The following PNKP variants were observed in gnomAD, a reference collection of about 807,000 sequenced individuals.
PNKP encodes polynucleotide kinase 3'-phosphatase.
PNKP carries 82 observed loss-of-function variants against 66.2 expected under a neutral mutation model. The observed-to-expected ratio is 1.24, with a 90% CI of 1.04 to 1.49. The LOEUF is 1.49. Among genes scored for constraint, PNKP ranks in the 40% most tolerant of loss-of-function variants. The pLI is 0.00. For synonymous variants in PNKP, 412 were observed against 298.9 expected (o/e 1.38, Z -3.90); for missense variants, 907 against 706.8 (o/e 1.28, Z -3.21).
intron 8 of PNKP, among the ~76,000 whole-genome samples, chr19:49,863,049 C>G (rs973543139): frequency 2.6e-5 from 4 of 152,204 alleles, no homozygotes; most frequent in Admixed American, 2.0e-4. Flanking sequence ...TTCCCCCTCC[C>G]TCAGGGCAAA....
At position 49,862,290 on chromosome 19, in the gene PNKP, G is replaced by A. The variant is rs368699840; in HGVS notation, c.1030-9C>T. 7 of 1,577,716 alleles carry A rather than the reference G, an allele frequency of 4.4e-6. No individual in the cohort carries two copies. The African/African-American group carries it at 8.1e-5, about 18-fold the overall frequency. On this transcript the variant is annotated splice_polypyrimidine_tract_variant and intron_variant, in intron 11 of 16. Coordinates refer to ENST00000322344, the MANE Select transcript of PNKP (RefSeq NM_007254.4). ...GAGCGGGAGACAGTCCTCTGCGAGG[G>A]GCGGGGGACACGCGTGAGATGCCGT...
intron 8 of PNKP, 107 bp downstream of exon 8, chr19:49,863,582 G>A (rs986916546): frequency 3.2e-5 from 25 of 777,136 alleles, no homozygotes; most frequent in Non-Finnish European, 4.5e-5. Context: ...AGGAGGGAGC[G>A]AGAGAGGACA....
At position 49,861,388 on chromosome 19, in the gene PNKP, G is replaced by C. The variant is rs201741122; in HGVS notation, c.1449-23C>G. On this transcript the variant is annotated intron_variant, in intron 16 of 16. Transcript: ENST00000322344. ...TTCCTGGCAGTGGTGGGAACAGTGA[G>C]GGACAGCCTGGATCATGTGGCCCAG... 4.3e-6 allele frequency: 7 copies of C among 1,613,884 alleles called. No homozygotes were observed. In the East Asian group the frequency reaches 8.9e-5, roughly 21 times the overall value.
Position 49,862,285 on chromosome 19 carries a change from CGAGGGGCGGGGGACACGCGT to C in PNKP, c.1030-24_1030-5del. On this transcript the variant is annotated splice_polypyrimidine_tract_variant and splice_region_variant and intron_variant, in intron 11 of 16. Coordinates refer to ENST00000322344, the MANE Select transcript of PNKP (RefSeq NM_007254.4). ...GCCCTGAGCGGGAGACAGTCCTCTG[CGAGGGGCGGGGGACACGCGT>C]GAGATGCCGTCCCCATCCCCGGGAG... 6.3e-7 allele frequency: 1 copy of C among 1,584,964 alleles called. No individual in the cohort carries two copies. The highest frequency in any genetic ancestry group is 8.6e-7 in the Non-Finnish European group (1 of 1,165,954).
At position 49,867,047 on chromosome 19, in the gene PNKP, C is replaced by G. The variant is rs1435021106; in HGVS notation, c.151+7G>C. On this transcript the variant is annotated splice_region_variant and intron_variant, in intron 2 of 16. Transcript: ENST00000322344. ...GCCACACCCCCTCCAGCTCAGGCCC[C>G]GCTCACCTTGAGTTCTGGAGCACTT... is the stretch of plus-strand genomic sequence containing the variant. 1 of 1,613,620 alleles carries G rather than the reference C, an allele frequency of 6.2e-7. No individual in the cohort carries two copies. Among genetic ancestry groups the G allele is most frequent in the Non-Finnish European group, 8.5e-7 (1 of 1,179,784 alleles).
At chr19:49,867,358 C>T (rs1014670761) in intron 1 of PNKP, 111 bp downstream of exon 1, 20 of 888,954 alleles carry the variant, frequency 2.2e-5, no homozygotes, top group Non-Finnish European at 3.2e-5. Flanking sequence ...CGCGGGTCGA[C>T]CCGTTTCCCA....
In PNKP at chr19:49,862,674, G is replaced by A; in HGVS notation, c.865+16C>T. 1 of 1,614,072 alleles carries A rather than the reference G, an allele frequency of 6.2e-7. No individual in the cohort carries two copies. Among genetic ancestry groups the A allele is most frequent in the Non-Finnish European group, 8.5e-7 (1 of 1,179,952 alleles). ...GAGGCGTCCCAGCCCACCCTCAGCA[G>A]CCTCCAGGCCCTTACCTCCCACAAA... On this transcript the variant is annotated intron_variant, in intron 9 of 16. Coordinates refer to ENST00000322344, the MANE Select transcript of PNKP (RefSeq NM_007254.4).
chr19:49,867,039 T>C lies in PNKP; in HGVS notation c.151+15A>G, dbSNP rs1032102661. The C allele has an allele frequency of 3.7e-6, 6 of 1,613,420 alleles. No homozygotes were observed. Among genetic ancestry groups the C allele is most frequent in the Non-Finnish European group, 4.2e-6 (5 of 1,179,544 alleles). ...TGCAGCAGGCCACACCCCCTCCAGC[T>C]CAGGCCCCGCTCACCTTGAGTTCTG... On this transcript the variant is annotated intron_variant, in intron 2 of 16. Transcript: ENST00000322344.
In PNKP at chr19:49,861,779, G is replaced by A. The variant is rs1413615600; in HGVS notation, c.1291C>T (p.Arg431Cys). The change falls in exon 14 of 17, where the codon CGC (arginine) becomes TGC (cysteine). Residue 431 changes from arginine (R) to cysteine (C), a missense_variant. Arg to Cys is a radical substitution (Grantham distance 180). Transcript: ENST00000322344. ...IDNTNPDAAS[R>C]ARYVQCARAA... The stretch of plus-strand genomic sequence containing the variant: ...GCCCCGCGGTCACGCTACCTGGCGC[G>A]GCTCGCGGCGTCTGGGTTTGTGTTG... 6 of 1,563,626 alleles carry A rather than the reference G, an allele frequency of 3.8e-6. No individual in the cohort carries two copies. Among genetic ancestry groups the A allele is most frequent in the East Asian group, 2.4e-5 (1 of 41,210 alleles).
In PNKP at chr19:49,861,481, GAT is replaced by G; in HGVS notation, c.1414_1415del (p.Ile472ProfsTer21). ...CATACATGACCATGTCTGACACGGG[GAT>G]ATGAGAGGAGTCCGTCATCTCTCGA... ...RFREMTDSSHIPVSDMVMYGY... is the reference protein window; with the variant it reads ...RFREMTDSSHXPVSDMVMYGY... On this transcript the variant is annotated frameshift_variant, in exon 16 of 17. Transcript: ENST00000322344. LOFTEE classifies it low-confidence loss of function (END_TRUNC). 6.5e-7 allele frequency: 1 copy of G among 1,527,804 alleles called. No homozygotes were observed. Among genetic ancestry groups the G allele is most frequent in the Non-Finnish European group, 8.9e-7 (1 of 1,124,506 alleles). The allele number at this position is 1,527,804 out of a possible 1,614,324, so 94.6% of individuals were successfully genotyped here. A position where few individuals can be genotyped will look rare whatever the true frequency, so the allele number is the denominator to read the frequency against.
At chr19:49,862,796 G>A (rs544269579) in intron 8 of PNKP, 58 bp from the exon 9 acceptor site, 49 of 1,576,602 alleles carry the variant, frequency 3.1e-5, no homozygotes, top group Middle Eastern at 1.9e-4. Context: ...CAGCGGTAGC[G>A]GGTCCCTGGG....
intron 1 of PNKP, 94 bp downstream of exon 1, chr19:49,867,375 G>T: frequency 2.8e-6 from 2 of 724,506 alleles, no homozygotes; most frequent in Admixed American, 2.7e-5. Context: ...CCCAGGCGAC[G>T]ACGCGTGCTC....
chr19:49,862,673 A>G lies in PNKP; in HGVS notation c.865+17T>C. 1 of 1,614,028 alleles carries G rather than the reference A, an allele frequency of 6.2e-7. No homozygotes were observed. Among genetic ancestry groups the G allele is most frequent in the South Asian group, 1.1e-5 (1 of 91,084 alleles). On this transcript the variant is annotated intron_variant, in intron 9 of 16. Transcript: ENST00000322344. ...GGAGGCGTCCCAGCCCACCCTCAGCAGCCTCCAGGCCCTTACCTCCCACAA... is the reference window on the plus strand; with the variant it reads ...GGAGGCGTCCCAGCCCACCCTCAGCGGCCTCCAGGCCCTTACCTCCCACAA...
chr19:49,867,044 C>A lies in PNKP; in HGVS notation c.151+10G>T, dbSNP rs752454809. ...CAGGCCACACCCCCTCCAGCTCAGG[C>A]CCCGCTCACCTTGAGTTCTGGAGCA... On this transcript the variant is annotated intron_variant, in intron 2 of 16. Transcript: ENST00000322344. The A allele has an allele frequency of 3.7e-6, 6 of 1,613,610 alleles. No individual in the cohort carries two copies. In the Admixed American group the frequency reaches 8.3e-5, roughly 22 times the overall value.
intron 2 of PNKP, 190 bp from the exon 3 acceptor site, chr19:49,866,635 A>C: frequency 2.8e-6 from 2 of 702,610 alleles, no homozygotes; most frequent in Non-Finnish European, 5.3e-6. Context: ...TGGTCCTTGC[A>C]AGGGACAGGG....
rs780834499 is a variant in PNKP at position 49,865,229 on chromosome 19, ATC to A, written c.394_395del (p.Asp132CysfsTer2). 3 of 1,614,182 alleles carry A rather than the reference ATC, an allele frequency of 1.9e-6. No homozygotes were observed. The highest frequency in any genetic ancestry group is 2.5e-6 in the Non-Finnish European group (3 of 1,180,028). Reference sequence around the variant, plus strand: ...GCATACGCTTCTTCGGCAGCTCAGCATCTCTCTTCTCATCTTGGGACACCAGA... The same window carrying A: ...GCATACGCTTCTTCGGCAGCTCAGCATCTCTTCTCATCTTGGGACACCAGA... ...TPLVSQDEKRDAELPKKRMRK... is the reference protein window; with the variant it reads ...TPLVSQDEKRXAELPKKRMRK... On this transcript the variant is annotated frameshift_variant, in exon 4 of 17. Coordinates refer to ENST00000322344, the MANE Select transcript of PNKP (RefSeq NM_007254.4). LOFTEE classifies it high-confidence loss of function.
At chr19:49,865,080 G>A (rs752460459) in intron 4 of PNKP, 47 bp downstream of exon 4, 2 of 1,547,312 alleles carry the variant, frequency 1.3e-6, no homozygotes, top group Admixed American at 1.7e-5. Context: ...ACGTGGGATT[G>A]GGTCCCAGTC....
chr19:49,861,779 G>GA lies in PNKP; in HGVS notation c.1290_1291insT (p.Arg431SerfsTer63), dbSNP rs2074768196. ...GCCCCGCGGTCACGCTACCTGGCGC[G>GA]GCTCGCGGCGTCTGGGTTTGTGTTG... On this transcript the variant is annotated frameshift_variant, in exon 14 of 17. Transcript: ENST00000322344. LOFTEE classifies it high-confidence loss of function. The GA allele has an allele frequency of 1.3e-6, 2 of 1,563,740 alleles. No individual in the cohort carries two copies. The highest frequency in any genetic ancestry group is 1.7e-6 in the Non-Finnish European group (2 of 1,156,900).
In PNKP at chr19:49,862,552, A is replaced by T. The variant is rs2074784418; in HGVS notation, c.922T>A (p.Cys308Ser). Residue 308 changes from cysteine (C) to serine (S), a missense_variant, in exon 10 of 17, where the codon TGC becomes AGC. Transcript: ENST00000322344. The part of the protein sequence containing the change: ...APGRKKKDFS[C>S]ADRLFALNLG... ...AGGGGCCTCACCAGGCGATCGGCGC[A>T]GGAGAAGTCTTTCTTCTTCCGCCCC... is the stretch of plus-strand genomic sequence containing the variant. 2 of 1,611,550 alleles carry T rather than the reference A, an allele frequency of 1.2e-6. No homozygotes were observed. Among genetic ancestry groups the T allele is most frequent in the Non-Finnish European group, 1.7e-6 (2 of 1,178,882 alleles).
Sources: gnomAD v4.1 joint callset for allele counts (sites outside exome capture counted in the v4.1 genomes callset) on GRCh38, gnomAD v4.1.1 for gene constraint, MANE v1.5 for transcripts, NCBI Gene and HGNC (gene_info 2026-07-23, HGNC 2026-07-21) for gene names.